The following GLI3 variants were observed in gnomAD, a reference collection of about 807,000 sequenced individuals.
GLI3 encodes the protein GLI family zinc finger 3.
A neutral mutation model predicts 100.8 loss-of-function variants in GLI3; 20 were observed. The observed-to-expected ratio is 0.20, with a 90% confidence interval of 0.14 to 0.29. The LOEUF (loss-of-function observed/expected upper bound fraction) is 0.29. Among genes scored for constraint, GLI3 ranks in the 10% least tolerant of loss-of-function variants. The probability of loss-of-function intolerance (pLI) is 1.00; values close to 1 mark genes in which losing one functional copy is unlikely to be tolerated. For missense variants in GLI3, 2,040 were observed against 2,128.5 expected (o/e 0.96, Z 0.82); for synonymous variants, 938 against 860.5 (o/e 1.09, Z -1.58).
rs184602748 is a variant in GLI3 at position 42,025,696 on chromosome 7, G to A, written c.1243-319C>T. Reference sequence around the variant, plus strand: ...TTTCAAAAGAACAAAGTTGTGAGGAGGGTAGAAGACCAACACGTTCCATTT... The same window carrying A: ...TTTCAAAAGAACAAAGTTGTGAGGAAGGTAGAAGACCAACACGTTCCATTT... On this transcript the variant is annotated intron_variant, in intron 8 of 14. Transcript: ENST00000395925. 2.7e-4 allele frequency among the ~76,000 whole-genome samples: 41 copies of A among 152,338 alleles called. No individual in the cohort carries two copies. The East Asian group carries it at 4.8e-3, about 18-fold the overall frequency.
chr7:42,079,167 T>C (rs565773518), intron 3 of GLI3, among the ~76,000 whole-genome samples: 1 of 152,342 alleles, frequency 6.6e-6, no homozygotes, highest in Non-Finnish European at 1.5e-5. Context: ...TTTGGTAAGT[T>C]TGAAAGTTTA....
chr7:42,026,064 G>A (rs1042433701), intron 8 of GLI3, 135 bp downstream of exon 8: 3 of 693,730 alleles, frequency 4.3e-6, no homozygotes, highest in African/African-American at 1.8e-5. Context: ...CTAGACCTCA[G>A]CATTAAGAAG....
chr7:41,974,725 T>C (rs1158790490), intron 12 of GLI3, among the ~76,000 whole-genome samples: 1 of 152,242 alleles, frequency 6.6e-6, no homozygotes, highest in Non-Finnish European at 1.5e-5. Context: ...TATCAGTAAG[T>C]GCTAAATTAG....
intron 1 of GLI3, among the ~76,000 whole-genome samples, chr7:42,256,259 G>A (rs1159553461): frequency 2.0e-5 from 3 of 151,062 alleles, no homozygotes; most frequent in Admixed American, 2.0e-4. Context: ...TTTTTTATCA[G>A]TTGAAGCACA....
chr7:42,090,787 C>T (rs565362832), intron 3 of GLI3, among the ~76,000 whole-genome samples: 4 of 152,250 alleles, frequency 2.6e-5, no homozygotes, highest in Non-Finnish European at 4.4e-5. Context: ...AAAGAACTAT[C>T]ATTTACTGAG....
chr7:42,068,403 G>A (rs933392353), intron 4 of GLI3, among the ~76,000 whole-genome samples: 3 of 152,114 alleles, frequency 2.0e-5, no homozygotes, highest in Non-Finnish European at 2.9e-5. Flanking sequence ...TTTCAGTATA[G>A]CTCTCTGCCA....
intron 3 of GLI3, among the ~76,000 whole-genome samples, chr7:42,105,978 G>A (rs1387028214): frequency 6.6e-6 from 1 of 152,164 alleles, no homozygotes; most frequent in African/African-American, 2.4e-5. Flanking sequence ...CCTCAATGAT[G>A]AACCTTCCTT....
intron 4 of GLI3, among the ~76,000 whole-genome samples, chr7:42,056,691 C>T (rs1340608784): frequency 6.6e-6 from 1 of 151,880 alleles, no homozygotes; most frequent in Non-Finnish European, 1.5e-5. Context: ...TGGCTCGTGC[C>T]TATAATCCCA....
At chr7:42,086,652 C>T (rs938949146) in intron 3 of GLI3, among the ~76,000 whole-genome samples, 1 of 152,024 alleles carries the variant, frequency 6.6e-6, no homozygotes, top group East Asian at 1.9e-4. Flanking sequence ...CCCTCTTACC[C>T]AAGTCTTACC....
intron 2 of GLI3, among the ~76,000 whole-genome samples, chr7:42,166,571 T>G (rs1277576986): frequency 2.0e-5 from 3 of 148,262 alleles, no homozygotes; most frequent in African/African-American, 7.5e-5. Context: ...AGTTGGGGGG[T>G]TGGAGGGACA....
chr7:42,221,248 C>T (rs1788480584), intron 2 of GLI3, among the ~76,000 whole-genome samples: 1 of 152,168 alleles, frequency 6.6e-6, no homozygotes, highest in African/African-American at 2.4e-5. Flanking sequence ...AATGCAGCTG[C>T]AGTGGAAGAC....
At chr7:42,070,461 C>A (rs1784762736) in intron 4 of GLI3, among the ~76,000 whole-genome samples, 1 of 152,192 alleles carries the variant, frequency 6.6e-6, no homozygotes, top group African/African-American at 2.4e-5. Flanking sequence ...ACTAGCAAGG[C>A]ATGGAAGTCC....
At chr7:42,117,438 A>T (rs1005083332) in intron 3 of GLI3, among the ~76,000 whole-genome samples, 2 of 152,196 alleles carry the variant, frequency 1.3e-5, no homozygotes, top group Non-Finnish European at 2.9e-5. Context: ...TTTTAGGAAC[A>T]GTTTTGAGAA....
intron 3 of GLI3, among the ~76,000 whole-genome samples, chr7:42,077,935 T>C (rs371628337): frequency 6.6e-6 from 1 of 152,220 alleles, no homozygotes; most frequent in South Asian, 2.1e-4. Flanking sequence ...ATGTGACGGG[T>C]CCACACTGGT....
intron 3 of GLI3, among the ~76,000 whole-genome samples, chr7:42,102,743 G>C (rs770370102): frequency 6.6e-6 from 1 of 152,194 alleles, no homozygotes; most frequent in African/African-American, 2.4e-5. Flanking sequence ...ATGGTGAGCT[G>C]AACTGCAGGT....
At chr7:42,209,786 C>A (rs1788225094) in intron 2 of GLI3, among the ~76,000 whole-genome samples, 1 of 150,930 alleles carries the variant, frequency 6.6e-6, no homozygotes. Context: ...AAAGACTCAG[C>A]TCCACGTTTC....
At chr7:42,215,673 G>T (rs1353758397) in intron 2 of GLI3, among the ~76,000 whole-genome samples, 1 of 152,160 alleles carries the variant, frequency 6.6e-6, no homozygotes, top group African/African-American at 2.4e-5. Context: ...TTGAAAAATG[G>T]GAGTGATATT....
chr7:42,080,522 A>C (rs559402678), intron 3 of GLI3, among the ~76,000 whole-genome samples: 1 of 152,346 alleles, frequency 6.6e-6, no homozygotes, highest in South Asian at 2.1e-4. Context: ...TGGATTGCAG[A>C]AGTCTGTGTG....
At chr7:42,247,428 A>G (rs992621036) in intron 1 of GLI3, among the ~76,000 whole-genome samples, 7 of 152,156 alleles carry the variant, frequency 4.6e-5, no homozygotes, top group Non-Finnish European at 1.0e-4. Context: ...GACACTGTAC[A>G]GTCATTGTCT....
Sources: allele counts gnomAD v4.1 joint callset (sites outside exome capture counted in the v4.1 genomes callset), GRCh38; gene constraint gnomAD v4.1.1; transcripts MANE v1.5; gene names NCBI Gene and HGNC (gene_info 2026-07-23, HGNC 2026-07-21).